The following PLXNA2 variants were observed in gnomAD, a reference collection of about 807,000 sequenced individuals.
PLXNA2 encodes the protein plexin-A2.
In PLXNA2, 91 loss-of-function variants were observed where a neutral mutation model predicts 193.5. The observed-to-expected ratio is 0.47, with a 90% confidence interval of 0.40 to 0.56. PLXNA2 has a LOEUF of 0.56. Ranked by LOEUF, PLXNA2 falls within the 20% of genes least tolerant of loss-of-function variation. The pLI, the probability that PLXNA2 is intolerant of heterozygous loss-of-function variation, is 0.00. For missense variants in PLXNA2, 1,995 were observed against 2,503.2 expected (o/e 0.80, Z 4.33); for synonymous variants, 997 against 1,027.3 (o/e 0.97, Z 0.56).
At chr1:208,176,003 C>T (rs919647888) in intron 3 of PLXNA2, among the ~76,000 whole-genome samples, 2 of 152,314 alleles carry the variant, frequency 1.3e-5, no homozygotes, top group South Asian at 2.1e-4. Context: ...ACCAGCCTTA[C>T]GTACCCTCCT....
intron 4 of PLXNA2, among the ~76,000 whole-genome samples, chr1:208,115,153 C>A (rs577778533): frequency 6.6e-6 from 1 of 152,208 alleles, no homozygotes; most frequent in South Asian, 2.1e-4. Flanking sequence ...CAGCAATGAC[C>A]ACATGGCCTC....
At chr1:208,121,745 A>T (rs963485385) in intron 4 of PLXNA2, among the ~76,000 whole-genome samples, 1 of 152,150 alleles carries the variant, frequency 6.6e-6, no homozygotes, top group African/African-American at 2.4e-5. Flanking sequence ...TACAAATATC[A>T]TGAATGGTAG....
chr1:208,135,943 T>C (rs1040355033), intron 4 of PLXNA2, among the ~76,000 whole-genome samples: 1 of 152,066 alleles, frequency 6.6e-6, no homozygotes, highest in Non-Finnish European at 1.5e-5. Flanking sequence ...TTCTACCTCA[T>C]TATAGGGAGT....
intron 9 of PLXNA2, among the ~76,000 whole-genome samples, chr1:208,087,678 T>C (rs1466461629): frequency 1.3e-5 from 2 of 152,072 alleles, no homozygotes; most frequent in Non-Finnish European, 2.9e-5. Context: ...TCTTGGGAAA[T>C]GGGAAGATAC....
intron 22 of PLXNA2, among the ~76,000 whole-genome samples, chr1:208,041,339 C>T (rs953501511): frequency 2.0e-5 from 3 of 152,084 alleles, no homozygotes; most frequent in African/African-American, 4.8e-5. Context: ...AAGCTGTGCC[C>T]GGCTCCCCAC....
At chr1:208,152,984 C>T (rs1668819934) in intron 3 of PLXNA2, among the ~76,000 whole-genome samples, 1 of 151,836 alleles carries the variant, frequency 6.6e-6, no homozygotes, top group Admixed American at 6.5e-5. Flanking sequence ...GGCACAGTTA[C>T]TTGTAAACAT....
chr1:208,128,352 G>C (rs1394133768), intron 4 of PLXNA2, among the ~76,000 whole-genome samples: 1 of 152,158 alleles, frequency 6.6e-6, no homozygotes, highest in Admixed American at 6.5e-5. Flanking sequence ...AGATTACCTT[G>C]GAGGCAGGGA....
chr1:208,243,383 A>G (rs1407604501), intron 1 of PLXNA2, among the ~76,000 whole-genome samples: 3 of 151,932 alleles, frequency 2.0e-5, no homozygotes, highest in Non-Finnish European at 4.4e-5. Context: ...CGCATTCGGG[A>G]AGCCGGCGGG....
chr1:208,057,203 G>A (rs958505504), intron 13 of PLXNA2, among the ~76,000 whole-genome samples: 1 of 152,182 alleles, frequency 6.6e-6, no homozygotes, highest in African/African-American at 2.4e-5. Context: ...CTCAGGCTCT[G>A]CTACAGAGCG....
In PLXNA2 at chr1:208,103,223, A is replaced by G. The variant is rs200125065; in HGVS notation, c.1531T>C (p.Cys511Arg). 6.2e-7 allele frequency: 1 copy of G among 1,614,024 alleles called. No individual in the cohort carries two copies. The highest frequency in any genetic ancestry group is 8.5e-7 in the Non-Finnish European group (1 of 1,179,966). Residue 511 changes from cysteine (C) to arginine (R), a missense_variant, in exon 5 of 32, where the codon TGT (cysteine) becomes CGT (arginine). Transcript: ENST00000367033. Reference protein sequence around the residue: ...RQVTRVPVESCEQYTTCGECL... With the variant: ...RQVTRVPVESREQYTTCGECL... ...TCCCCACAAGTCGTATACTGCTCAC[A>G]TGACTCCACGGGGACCCTGGTGACC...
At chr1:208,168,116 A>T (rs1486707504) in intron 3 of PLXNA2, among the ~76,000 whole-genome samples, 1 of 152,212 alleles carries the variant, frequency 6.6e-6, no homozygotes, top group Non-Finnish European at 1.5e-5. Context: ...TAGGGCTTTC[A>T]TCTACTTATG....
intron 4 of PLXNA2, among the ~76,000 whole-genome samples, chr1:208,116,073 C>G (rs1667631153): frequency 6.6e-6 from 1 of 152,230 alleles, no homozygotes; most frequent in Non-Finnish European, 1.5e-5. Flanking sequence ...CTGGCCTCCT[C>G]TCTTGCTTTG....
chr1:208,210,456 G>C lies in PLXNA2; in HGVS notation c.1195C>G (p.Pro399Ala), dbSNP rs778037020. 6.2e-7 allele frequency: 1 copy of C among 1,611,104 alleles called. No homozygotes were observed. Among genetic ancestry groups the C allele is most frequent in the Non-Finnish European group, 8.5e-7 (1 of 1,177,922 alleles). ...KDVQCTKAPV[P>A]IDDNFCGLDI... ...AGTCCACAGAAGTTATCATCGATGG[G>C]GACAGGCTGGAGGGAAGCGGAAGGA... The change falls in exon 3 of 32, where the codon CCC (proline) becomes GCC (alanine). Residue 399 changes from proline (P) to alanine (A), a missense_variant. By Grantham distance (27) the Pro-to-Ala change is conservative. Transcript: ENST00000367033.
chr1:208,088,032 A>C (rs1666586266), intron 9 of PLXNA2, among the ~76,000 whole-genome samples: 1 of 152,210 alleles, frequency 6.6e-6, no homozygotes, highest in Non-Finnish European at 1.5e-5. Context: ...TCACATTCTT[A>C]AAATACTGAT....
chr1:208,092,011 T>C (rs933321962), intron 9 of PLXNA2, among the ~76,000 whole-genome samples: 8 of 152,238 alleles, frequency 5.3e-5, no homozygotes, highest in African/African-American at 1.9e-4. Context: ...TCTCTATAGT[T>C]GTTCAAATCC....
chr1:208,175,118 C>A (rs534616182), intron 3 of PLXNA2, among the ~76,000 whole-genome samples: 1 of 152,128 alleles, frequency 6.6e-6, no homozygotes, highest in Admixed American at 6.5e-5. Flanking sequence ...ACTGGCTGAT[C>A]CTGCAGGAAT....
chr1:208,220,593 C>T (rs572040693), intron 1 of PLXNA2, among the ~76,000 whole-genome samples: 32 of 151,046 alleles, frequency 2.1e-4, no homozygotes, highest in Middle Eastern at 3.4e-3. Flanking sequence ...CCACCACACC[C>T]GCCTAATTTT....
Position 208,236,204 on chromosome 1 carries a change from A to C in PLXNA2, c.-81+7439T>G, listed in dbSNP as rs2102646076. Reference sequence around the variant, plus strand: ...GTCTGGCTTGGGCTGGGCTCCCGCTAAGAACGCTGTTCTCAGTGAAATTCA... The same window carrying C: ...GTCTGGCTTGGGCTGGGCTCCCGCTCAGAACGCTGTTCTCAGTGAAATTCA... On this transcript the variant is annotated intron_variant, in intron 1 of 31. Transcript: ENST00000367033. The surrounding 1 kb of genome is among the most constrained non-coding windows in gnomAD (Gnocchi z 4.4). Among the ~76,000 whole-genome samples, 1 of 152,250 alleles carries C rather than the reference A, an allele frequency of 6.6e-6. No homozygotes were observed. Among genetic ancestry groups the C allele is most frequent in the Non-Finnish European group, 1.5e-5 (1 of 68,008 alleles).
In PLXNA2 at chr1:208,027,199, A is replaced by T; in HGVS notation, c.*44T>A. ...TTCCATCTGAGACTCCCAGTGTGAC[A>T]GCTTGGACAGGTCCCTCTTCCCAGG... is the stretch of plus-strand genomic sequence containing the variant. On this transcript the variant is annotated 3_prime_UTR_variant, in exon 32 of 32. Transcript: ENST00000367033. 1.3e-6 allele frequency: 2 copies of T among 1,519,306 alleles called. No individual in the cohort carries two copies. The highest frequency in any genetic ancestry group is 1.8e-6 in the Non-Finnish European group (2 of 1,096,760). The allele number at this position is 1,519,306 out of a possible 1,614,324, so 94.1% of individuals were successfully genotyped here.
Sources: allele counts gnomAD v4.1 joint callset (sites outside exome capture counted in the v4.1 genomes callset), GRCh38; gene constraint gnomAD v4.1.1; non-coding constraint Gnocchi (gnomAD v3.1); transcripts MANE v1.5; gene names NCBI Gene and HGNC (gene_info 2026-07-23, HGNC 2026-07-21).